The following FER1L5 variants were observed in gnomAD, a reference collection of about 807,000 sequenced individuals.
FER1L5 encodes fer-1-like protein 5.
In FER1L5, 187 loss-of-function variants were observed where a neutral mutation model predicts 279.9. That is an observed-to-expected ratio of 0.67 (90% CI 0.59 to 0.75). FER1L5 has a LOEUF of 0.75. FER1L5 is among the 30% of genes least tolerant of loss of function. The pLI is 0.00. For missense variants in FER1L5, 2,091 were observed against 2,594.4 expected, an observed-to-expected ratio of 0.81 and a Z score of 4.21; for synonymous variants, 921 against 989.7, an observed-to-expected ratio of 0.93 and a Z score of 1.30.
In FER1L5 at chr2:96,663,473, C is replaced by T. The variant is rs746418681; in HGVS notation, c.1106C>T (p.Pro369Leu). 1.7e-5 allele frequency: 26 copies of T among 1,551,608 alleles called. No homozygotes were observed. The highest frequency in any genetic ancestry group is 1.2e-4 in the South Asian group (10 of 84,060). Residue 369 changes from proline to leucine, a missense_variant, in exon 14 of 53, where the codon CCG becomes CTG. By Grantham distance (98) the Pro-to-Leu change is moderately conservative. Coordinates refer to ENST00000624922, the MANE Select transcript of FER1L5 (RefSeq NM_001293083.2). Reference sequence around the variant, plus strand: ...CACATGCAGACCCAAACCGACAACCCGATATGGAACCAGATCCTGACCTTC... The same window carrying T: ...CACATGCAGACCCAAACCGACAACCTGATATGGAACCAGATCCTGACCTTC... ...RTHMQTQTDN[P>L]IWNQILTFRI...
intron 14 of FER1L5, among the ~76,000 whole-genome samples, chr2:96,666,671 T>A (rs988970522): frequency 2.6e-5 from 4 of 151,526 alleles, no homozygotes; most frequent in African/African-American, 7.3e-5. Context: ...TTTTTTTTTT[T>A]AGACAGTCTT....
chr2:96,688,493 A>G (rs1243614704), intron 24 of FER1L5, among the ~76,000 whole-genome samples: 1 of 152,214 alleles, frequency 6.6e-6, no homozygotes, highest in African/African-American at 2.4e-5. Context: ...GGACTGCTCT[A>G]GAACCAGAGG....
chr2:96,689,829 G>A lies in FER1L5; in HGVS notation c.2640+71G>A. 1 of 1,334,122 alleles carries A rather than the reference G, an allele frequency of 7.5e-7. No homozygotes were observed. The highest frequency in any genetic ancestry group is 1.0e-6 in the Non-Finnish European group (1 of 982,028). The allele number at this position is 1,334,122 out of a possible 1,614,324, so 82.6% of individuals were successfully genotyped here. A position where few individuals can be genotyped will look rare whatever the true frequency, so the allele number is the denominator to read the frequency against. On this transcript the variant is annotated intron_variant, in intron 26 of 52. Transcript: ENST00000624922. The surrounding 1 kb of genome is among the most constrained non-coding windows in gnomAD (Gnocchi z 4.6). ...ACCAGGCGGGGCGCCTTGGAAGCTG[G>A]GGGTCCCAGTGGAAAGGGTCTGAGC...
chr2:96,647,866 C>T lies in FER1L5; in HGVS notation c.319C>T (p.His107Tyr), dbSNP rs2075204776. The change falls in exon 4 of 53, where the codon CAT becomes TAT. Residue 107 changes from histidine to tyrosine, a missense_variant. Physicochemically the swap from His to Tyr is moderately conservative, Grantham distance 83. Transcript: ENST00000624922. Reference protein sequence around the residue: ...LFVKDLTLLNHSMKPTDCTVT... With the variant: ...LFVKDLTLLNYSMKPTDCTVT... Reference sequence around the variant, plus strand: ...TGTGAAGGACTTGACCCTGCTCAACCATTCCATGAAGCCCACAGATGTGAG... The same window carrying T: ...TGTGAAGGACTTGACCCTGCTCAACTATTCCATGAAGCCCACAGATGTGAG... 2.0e-5 allele frequency: 31 copies of T among 1,551,706 alleles called. No homozygotes were observed. Among genetic ancestry groups the T allele is most frequent in the Non-Finnish European group, 2.7e-5 (31 of 1,146,998 alleles).
At chr2:96,645,784 T>TCA (rs146090576) in intron 1 of FER1L5, among the ~76,000 whole-genome samples, 13,844 of 147,480 alleles carry the variant, frequency 0.094, 1,423 homozygotes, top group African/African-American at 0.25. Context: ...TCACACACAC[T>TCA]CACACACACA....
intron 18 of FER1L5, among the ~76,000 whole-genome samples, chr2:96,672,617 C>G (rs1015369585): frequency 6.6e-6 from 1 of 151,724 alleles, no homozygotes; most frequent in African/African-American, 2.4e-5. Context: ...TAGTGGGCAG[C>G]TGGAGCAGGA....
Position 96,653,691 on chromosome 2 carries a change from A to G in FER1L5, c.685A>G (p.Ile229Val), listed in dbSNP as rs758277189. ...EVPAKFFDETILIQVVNSSAM... is the reference protein window; with the variant it reads ...EVPAKFFDETVLIQVVNSSAM... ...TCCTGCAAAGTTCTTTGATGAGACC[A>G]TCTTAATCCAGGTGAGGAGCCAAAC... Residue 229 changes from isoleucine to valine, a missense_variant, in exon 8 of 53, where the codon ATC (isoleucine) becomes GTC (valine). Transcript: ENST00000624922. 1 of 1,551,160 alleles carries G rather than the reference A, an allele frequency of 6.4e-7. No individual in the cohort carries two copies. The highest frequency in any genetic ancestry group is 1.2e-5 in the South Asian group (1 of 84,020).
chr2:96,682,853 C>T (rs1426915704), intron 19 of FER1L5, among the ~76,000 whole-genome samples: 1 of 152,188 alleles, frequency 6.6e-6, no homozygotes, highest in Non-Finnish European at 1.5e-5. Context: ...TATGAGCCAC[C>T]ATGGTTGGCT....
rs1289515272 is a variant in FER1L5 at position 96,661,434 on chromosome 2, G to A, written c.888G>A (p.Gln296=). The change falls in exon 11 of 53, where the codon CAG becomes CAA. Residue 296 remains glutamine (Q), a synonymous_variant. Transcript: ENST00000624922. ...VTIYALGVGD[Q]ALIDQKLLYG... ...TCTATGCCCTCGGTGTGGGAGACCA[G>A]GCCCTGGTGAGCTGCCCCTAACCCC... is the stretch of plus-strand genomic sequence containing the variant. The A allele has an allele frequency of 1.3e-6, 2 of 1,551,402 alleles. No homozygotes were observed. The highest frequency in any genetic ancestry group is 2.4e-5 in the South Asian group (2 of 84,054).
intron 3 of FER1L5, 92 bp from the exon 4 acceptor site, chr2:96,647,686 G>A: frequency 1.1e-6 from 1 of 917,080 alleles, no homozygotes; most frequent in Non-Finnish European, 1.7e-6. Flanking sequence ...AGCCCTGGGA[G>A]GAAACCGTCT....
chr2:96,653,511 C>T (rs2075469876), intron 7 of FER1L5, 129 bp from the exon 8 acceptor site: 7 of 748,392 alleles, frequency 9.4e-6, no homozygotes, highest in Non-Finnish European at 1.4e-5. Flanking sequence ...TCAGCCTGTA[C>T]TTGTAAACCC....
At chr2:96,681,474 C>T (rs1223758913) in intron 19 of FER1L5, among the ~76,000 whole-genome samples, 1 of 152,156 alleles carries the variant, frequency 6.6e-6, no homozygotes, top group Non-Finnish European at 1.5e-5. Flanking sequence ...TTAGCCAGAC[C>T]TCAGAGAATG....
chr2:96,693,466 C>G, intron 31 of FER1L5, 40 bp from the exon 32 acceptor site: 1 of 1,515,416 alleles, frequency 6.6e-7, no homozygotes, highest in East Asian at 2.5e-5. Flanking sequence ...GCCCCTCTTC[C>G]CAGCTCAAGA....
At position 96,702,801 on chromosome 2, in the gene FER1L5, G is replaced by C. The variant is rs1208209578; in HGVS notation, c.5397+60G>C. ...CAACAAACAGACCCAGGCTCCTGGA[G>C]CTCCTCCCCCCACCCCTCCAGAGGC... On this transcript the variant is annotated intron_variant, in intron 48 of 52. Transcript: ENST00000624922. This position sits in a 1 kb window ranked among gnomAD's most constrained non-coding sequence, Gnocchi z 4.0. The C allele has an allele frequency of 4.4e-6, 7 of 1,593,848 alleles. No individual in the cohort carries two copies. Among genetic ancestry groups the C allele is most frequent in the Non-Finnish European group, 6.0e-6 (7 of 1,170,936 alleles).
At chr2:96,664,220 C>T (rs1398192026) in intron 14 of FER1L5, among the ~76,000 whole-genome samples, 1 of 151,816 alleles carries the variant, frequency 6.6e-6, no homozygotes, top group African/African-American at 2.4e-5. Flanking sequence ...AGGAAATGTA[C>T]AATTTGATAC....
At chr2:96,683,959 G>A (rs899088335) in intron 19 of FER1L5, among the ~76,000 whole-genome samples, 25 of 152,052 alleles carry the variant, frequency 1.6e-4, no homozygotes, top group African/African-American at 5.8e-4. Context: ...GGCGTGCCCC[G>A]TGCCCCTACA....
chr2:96,699,689 G>A lies in FER1L5; in HGVS notation c.4750G>A (p.Ala1584Thr). Reference sequence around the variant, plus strand: ...AAACCGACTCCTATCTGGCTTTGGAGCTCATTGTGGGCTCTCCAAATCCTA... The same window carrying A: ...AAACCGACTCCTATCTGGCTTTGGAACTCATTGTGGGCTCTCCAAATCCTA... ...LENRLLSGFG[A>T]HCGLSKSYCQ... The change falls in exon 43 of 53, where the codon GCT (alanine) becomes ACT (threonine). Residue 1584 changes from alanine (A) to threonine (T), a missense_variant. Ala to Thr is a moderately conservative substitution (Grantham distance 58, BLOSUM62 0). Coordinates refer to ENST00000624922, the MANE Select transcript of FER1L5 (RefSeq NM_001293083.2). The A allele has an allele frequency of 6.2e-7, 1 of 1,614,008 alleles. No homozygotes were observed. The highest frequency in any genetic ancestry group is 8.5e-7 in the Non-Finnish European group (1 of 1,179,888).
chr2:96,695,995 C>T (rs1274134049), intron 36 of FER1L5, 57 bp from the exon 37 acceptor site: 5 of 1,607,856 alleles, frequency 3.1e-6, no homozygotes, highest in Non-Finnish European at 2.5e-6. Flanking sequence ...GGGGTTGGTG[C>T]TTCCTCCTCA....
intron 24 of FER1L5, among the ~76,000 whole-genome samples, chr2:96,688,752 G>C (rs1214204182): frequency 6.6e-6 from 1 of 151,856 alleles, no homozygotes; most frequent in African/African-American, 2.4e-5. Flanking sequence ...CATGCTCAGC[G>C]GGCACCGGAG....
Sources: gnomAD v4.1 joint callset for allele counts (sites outside exome capture counted in the v4.1 genomes callset) on GRCh38, gnomAD v4.1.1 for gene constraint, Gnocchi (gnomAD v3.1) non-coding constraint, MANE v1.5 for transcripts, NCBI Gene and HGNC (gene_info 2026-07-23, HGNC 2026-07-21) for gene names.